Variants in ASTN2 observed in about 807,000 individuals in gnomAD.
ASTN2 encodes the protein astrotactin-2.
A neutral mutation model predicts 139.8 loss-of-function variants in ASTN2; 54 were observed. That is an observed-to-expected ratio of 0.39 (90% CI 0.31 to 0.48). The LOEUF is 0.48. ASTN2 is among the 20% of genes least tolerant of loss of function. The pLI, the probability that ASTN2 is intolerant of heterozygous loss-of-function variation, is 0.95. For missense variants in ASTN2, 1,565 were observed against 1,725.1 expected (o/e 0.91, Z 1.64); for synonymous variants, 756 against 719.5 (o/e 1.05, Z -0.81).
chr9:117,329,841 T>C (rs1426341947), intron 1 of ASTN2, among the ~76,000 whole-genome samples: 1 of 152,222 alleles, frequency 6.6e-6, no homozygotes, highest in Non-Finnish European at 1.5e-5. Flanking sequence ...AAAATAATAA[T>C]AGACATGACT....
intron 1 of ASTN2, among the ~76,000 whole-genome samples, chr9:117,377,849 T>C (rs1830165922): frequency 6.6e-6 from 1 of 152,072 alleles, no homozygotes; most frequent in African/African-American, 2.4e-5. Flanking sequence ...CACATACAAG[T>C]GTCAAAATAA....
At chr9:117,057,333 G>C (rs9299244) in intron 5 of ASTN2, among the ~76,000 whole-genome samples, 3,081 of 152,244 alleles carry the variant, frequency 0.02, 95 homozygotes, top group African/African-American at 0.07. Context: ...TATTTCTGCA[G>C]CAGGAGCTGT....
intron 10 of ASTN2, among the ~76,000 whole-genome samples, chr9:116,931,498 G>A (rs1834897545): frequency 6.6e-6 from 1 of 152,176 alleles, no homozygotes; most frequent in African/African-American, 2.4e-5. Flanking sequence ...GTTTTACTTT[G>A]CAACTTTGTG....
At chr9:117,162,050 A>T (rs1399830211) in intron 3 of ASTN2, among the ~76,000 whole-genome samples, 1 of 152,080 alleles carries the variant, frequency 6.6e-6, no homozygotes, top group African/African-American at 2.4e-5. Context: ...ATTTCAGCTC[A>T]GACCTTGAAG....
At chr9:117,022,546 C>T (rs1837915025) in intron 6 of ASTN2, among the ~76,000 whole-genome samples, 2 of 152,166 alleles carry the variant, frequency 1.3e-5, no homozygotes, top group South Asian at 4.1e-4. Flanking sequence ...CCCTGAGATT[C>T]TCCTAGTAGC....
intron 16 of ASTN2, among the ~76,000 whole-genome samples, chr9:116,684,286 G>A (rs1383974360): frequency 6.6e-6 from 1 of 152,172 alleles, no homozygotes; most frequent in African/African-American, 2.4e-5. Context: ...GCCAAGTATA[G>A]TAAGACTAAA....
rs560161503 is a variant in ASTN2 at position 117,252,590 on chromosome 9, C to G, written c.631-37848G>C. Among the ~76,000 whole-genome samples the G allele has an allele frequency of 9.9e-5, 15 of 152,208 alleles. 1 individual carries two copies. In the Middle Eastern group the frequency reaches 0.017, roughly 173 times the overall value. On this transcript the variant is annotated intron_variant, in intron 2 of 22. Coordinates refer to ENST00000313400, the MANE Select transcript of ASTN2 (RefSeq NM_001365068.1). ...GCACAAGGTCATTAAATTAAAAAAA[C>G]AAATCGTTATGTTGTTAGAGTGTTT...
At chr9:117,081,809 A>C (rs1044717853) in intron 5 of ASTN2, among the ~76,000 whole-genome samples, 1 of 152,186 alleles carries the variant, frequency 6.6e-6, no homozygotes, top group Non-Finnish European at 1.5e-5. Flanking sequence ...AAATCTGAGA[A>C]CGGTCCCTGC....
At chr9:116,840,357 T>C (rs984435449) in intron 11 of ASTN2, among the ~76,000 whole-genome samples, 5 of 151,104 alleles carry the variant, frequency 3.3e-5, no homozygotes, top group African/African-American at 4.9e-5. Context: ...AAAGCCGCGA[T>C]TGTCATCCTG....
chr9:117,141,077 T>C (rs17400632), intron 4 of ASTN2, among the ~76,000 whole-genome samples: 19,177 of 152,140 alleles, frequency 0.13, 1,488 homozygotes, highest in Non-Finnish European at 0.17. Flanking sequence ...ATATAGTTGC[T>C]AATCTCAATC....
intron 2 of ASTN2, among the ~76,000 whole-genome samples, chr9:117,270,922 A>C (rs764314063): frequency 6.6e-6 from 1 of 152,246 alleles, no homozygotes; most frequent in Admixed American, 6.5e-5. Flanking sequence ...ATTGACCCAT[A>C]CATGAAAATC....
chr9:116,938,508 G>A (rs1169875534), intron 10 of ASTN2, among the ~76,000 whole-genome samples: 3 of 152,138 alleles, frequency 2.0e-5, no homozygotes, highest in Non-Finnish European at 4.4e-5. Context: ...CCCTTGAGCT[G>A]GCTGCTGGCA....
intron 4 of ASTN2, among the ~76,000 whole-genome samples, chr9:117,102,815 C>G (rs907217929): frequency 6.6e-6 from 1 of 152,066 alleles, no homozygotes; most frequent in Non-Finnish European, 1.5e-5. Context: ...AGTAACCGTG[C>G]CTGGCCAATT....
intron 16 of ASTN2, among the ~76,000 whole-genome samples, chr9:116,704,776 A>T (rs1827947143): frequency 1.3e-5 from 2 of 152,032 alleles, no homozygotes; most frequent in African/African-American, 2.4e-5. Flanking sequence ...CCCATTAGGA[A>T]AGCTGTAAAT....
chr9:117,060,344 G>GAA (rs1839213264), intron 5 of ASTN2, among the ~76,000 whole-genome samples: 2 of 58,948 alleles, frequency 3.4e-5, no homozygotes, highest in African/African-American at 1.6e-4. Context: ...GAAAGAAAGA[G>GAA]AGAAAGAAAG....
At chr9:117,049,212 C>A (rs1050714852) in intron 5 of ASTN2, among the ~76,000 whole-genome samples, 1 of 151,998 alleles carries the variant, frequency 6.6e-6, no homozygotes, top group Non-Finnish European at 1.5e-5. Flanking sequence ...TATCCAAATG[C>A]CTCAAAGAGC....
In ASTN2 at chr9:116,618,394, C is replaced by T. The variant is rs367558892; in HGVS notation, c.3285G>A (p.Gly1095=). The T allele has an allele frequency of 2.8e-5, 46 of 1,614,136 alleles. No homozygotes were observed. In the African/African-American group the frequency reaches 5.9e-4, roughly 21 times the overall value. ...GCAGAATATAGTCGGAGACCTTGGT[C>T]CCAATAGCTGGCTGAACATCCACCC... ...LEWVDVQPAI[G]TKVSDYILQH... The change falls in exon 19 of 23, where the codon GGG becomes GGA. Residue 1095 remains glycine (G), a synonymous_variant. Transcript: ENST00000313400.
chr9:116,911,099 G>C (rs1326801), intron 10 of ASTN2, among the ~76,000 whole-genome samples: 124,101 of 152,170 alleles, frequency 0.82, 51,918 homozygotes, highest in Middle Eastern at 0.92. Flanking sequence ...CAACCTGATG[G>C]CCTCCAGTAT....
intron 4 of ASTN2, among the ~76,000 whole-genome samples, chr9:117,112,304 T>C (rs1829270485): frequency 6.6e-6 from 1 of 152,056 alleles, no homozygotes; most frequent in Non-Finnish European, 1.5e-5. Context: ...CTAAAATTTA[T>C]ATGAAAGTGC....
Sources: allele counts gnomAD v4.1 joint callset (sites outside exome capture counted in the v4.1 genomes callset), GRCh38; gene constraint gnomAD v4.1.1; transcripts MANE v1.5; gene names NCBI Gene and HGNC (gene_info 2026-07-23, HGNC 2026-07-21).